The following PDE1C variants were observed in gnomAD, a reference collection of about 807,000 sequenced individuals.
PDE1C encodes the protein dual specificity calcium/calmodulin-dependent 3',5'-cyclic nucleotide phosphodiesterase 1C.
A neutral mutation model predicts 93.1 loss-of-function variants in PDE1C; 62 were observed. That is an observed-to-expected ratio of 0.67 (90% CI 0.54 to 0.82). The LOEUF (loss-of-function observed/expected upper bound fraction) is 0.82, where lower values mean the gene tolerates loss of function less well. Among genes scored for constraint, PDE1C ranks in the 40% least tolerant of loss-of-function variants. The probability of loss-of-function intolerance (pLI) is 0.00; values close to 1 mark genes in which losing one functional copy is unlikely to be tolerated. For missense variants in PDE1C, 742 were observed against 884.6 expected (o/e 0.84, Z 2.04); for synonymous variants, 325 against 310.1 (o/e 1.05, Z -0.50).
At chr7:31,825,388 A>T (rs981255380) in intron 12 of PDE1C, among the ~76,000 whole-genome samples, 3 of 152,242 alleles carry the variant, frequency 2.0e-5, no homozygotes, top group Admixed American at 6.5e-5. Context: ...GCCAAGTGAC[A>T]GAGATGGGAG....
At chr7:31,673,805 G>A in the PDE1C span, among the ~76,000 whole-genome samples, 1 of 151,948 alleles carries the variant, frequency 6.6e-6, no homozygotes, top group East Asian at 1.9e-4. Context: ...TTTCCAGTAA[G>A]AGTTTTGATT....
intron 16 of PDE1C, among the ~76,000 whole-genome samples, chr7:31,794,123 G>A (rs918189667): frequency 1.3e-5 from 2 of 151,180 alleles, no homozygotes; most frequent in Admixed American, 1.3e-4. Context: ...CAGGCGGGCA[G>A]GCAGGCAGGC....
intron 1 of PDE1C, among the ~76,000 whole-genome samples, chr7:32,325,041 G>T (rs1005270126): frequency 6.6e-6 from 1 of 152,222 alleles, no homozygotes. Flanking sequence ...GTTGAAAACT[G>T]TTCCTCAATA....
At chr7:32,280,082 ACAT>A (rs1323721648) in intron 1 of PDE1C, among the ~76,000 whole-genome samples, 1 of 152,202 alleles carries the variant, frequency 6.6e-6, no homozygotes, top group African/African-American at 2.4e-5. Flanking sequence ...ATTCACTAAA[ACAT>A]CAGAAGTAGA....
chr7:31,966,359 A>T lies in PDE1C; in HGVS notation c.128+85195T>A, dbSNP rs201949541. 1.2e-4 allele frequency among the ~76,000 whole-genome samples: 19 copies of T among 152,338 alleles called. No homozygotes were observed. The East Asian group carries it at 3.7e-3, about 29-fold the overall frequency. On this transcript the variant is annotated intron_variant, in intron 2 of 17. Transcript: ENST00000396191. The stretch of plus-strand genomic sequence containing the variant: ...AACCAACAAAGATCAAAAGAGACAA[A>T]GAAGGCCATTACATAATGGTAAAGG...
intron 2 of PDE1C, among the ~76,000 whole-genome samples, chr7:32,177,140 A>G (rs57040060): frequency 0.013 from 1,985 of 152,354 alleles, 46 homozygotes; most frequent in African/African-American, 0.045. Context: ...GCGGAGAAAA[A>G]AGGCCTTGCT....
In PDE1C at chr7:31,755,013, C is replaced by T. The variant is rs112406170; in HGVS notation, c.1961-1460G>A. 1.2e-4 allele frequency among the ~76,000 whole-genome samples: 18 copies of T among 152,274 alleles called. 1 individual carries two copies. Among genetic ancestry groups the T allele is most frequent in the South Asian group, 4.1e-4 (2 of 4,828 alleles). On this transcript the variant is annotated intron_variant, in intron 17 of 17. Coordinates refer to ENST00000396191, the MANE Select transcript of PDE1C (RefSeq NM_001191057.4). Reference sequence around the variant, plus strand: ...GAAGAGTGGGGGACAAGACGGTCATCGAAGTAACCTTGTATATGAACAGAA... The same window carrying T: ...GAAGAGTGGGGGACAAGACGGTCATTGAAGTAACCTTGTATATGAACAGAA...
At chr7:31,665,341 A>G in the PDE1C span, among the ~76,000 whole-genome samples, 15 of 152,008 alleles carry the variant, frequency 9.9e-5, no homozygotes, top group African/African-American at 3.4e-4. Flanking sequence ...CATTGATCCT[A>G]TTTTGTTTCT....
the PDE1C span, among the ~76,000 whole-genome samples, chr7:31,672,488 G>T: frequency 6.6e-6 from 1 of 151,402 alleles, no homozygotes; most frequent in Non-Finnish European, 1.5e-5. Context: ...TTGCTAATCT[G>T]ATCAATTTGT....
upstream of PDE1C, among the ~76,000 whole-genome samples, chr7:32,304,285 C>T (rs1393122674): frequency 6.6e-6 from 1 of 152,230 alleles, no homozygotes; most frequent in Non-Finnish European, 1.5e-5. Flanking sequence ...TGCCCATCTC[C>T]TCATGAGGAT....
At chr7:32,056,292 A>G (rs1794060146) in intron 1 of PDE1C, among the ~76,000 whole-genome samples, 1 of 142,282 alleles carries the variant, frequency 7.0e-6, no homozygotes, top group Admixed American at 7.2e-5. Context: ...GCACTTTGCA[A>G]AGTCTGTTCC....
chr7:32,288,792 G>A (rs1812163291), intron 1 of PDE1C, among the ~76,000 whole-genome samples: 1 of 152,200 alleles, frequency 6.6e-6, no homozygotes, highest in South Asian at 2.1e-4. Flanking sequence ...GCGTTAATGT[G>A]TGTTCCCTGG....
At chr7:32,175,533 A>T (rs1179571240) in intron 2 of PDE1C, among the ~76,000 whole-genome samples, 1 of 152,150 alleles carries the variant, frequency 6.6e-6, no homozygotes, top group Non-Finnish European at 1.5e-5. Context: ...GTGTTGCTAA[A>T]GGTTGGGGTA....
chr7:32,375,334 C>A (rs1784415878), intron 1 of PDE1C, among the ~76,000 whole-genome samples: 1 of 152,110 alleles, frequency 6.6e-6, no homozygotes, highest in Non-Finnish European at 1.5e-5. Context: ...CCTCCATGAG[C>A]AGAACAGGGA....
the PDE1C span, among the ~76,000 whole-genome samples, chr7:31,676,834 G>A: frequency 1.3e-5 from 2 of 152,132 alleles, no homozygotes; most frequent in East Asian, 3.9e-4. Context: ...TCATGGTGGG[G>A]AAATGATAAA....
chr7:31,953,165 C>T (rs761363443), intron 2 of PDE1C, among the ~76,000 whole-genome samples: 15 of 152,160 alleles, frequency 9.9e-5, no homozygotes, highest in Non-Finnish European at 2.1e-4. Flanking sequence ...TCATAATTAA[C>T]TGAATGTTTA....
In PDE1C at chr7:31,837,941, C is replaced by T. The variant is rs1292743660; in HGVS notation, c.1011G>A (p.Val337=). 1.2e-6 allele frequency: 2 copies of T among 1,613,420 alleles called. No individual in the cohort carries two copies. Among genetic ancestry groups the T allele is most frequent in the African/African-American group, 1.3e-5 (1 of 75,016 alleles). ...AGTGACAAGACATATCTGTGGCCAT[C>T]ACCATTTCAATTACCAAGGTTCGAA... ...REFRTLVIEM[V]MATDMSCHFQ... is the part of the protein sequence containing the mutation. Residue 337 remains valine, a synonymous_variant, in exon 10 of 18, where the codon GTG becomes GTA. Coordinates refer to ENST00000396191, the MANE Select transcript of PDE1C (RefSeq NM_001191057.4).
intron 2 of PDE1C, among the ~76,000 whole-genome samples, chr7:31,895,462 A>G (rs1467457151): frequency 1.3e-5 from 2 of 152,208 alleles, no homozygotes; most frequent in African/African-American, 4.8e-5. Context: ...CAGCGAGCAG[A>G]ATAAAGAAAT....
At chr7:32,074,585 C>G (rs759598535), upstream of PDE1C, among the ~76,000 whole-genome samples, 2 of 152,018 alleles carry the variant, frequency 1.3e-5, no homozygotes, top group Admixed American at 1.3e-4. Flanking sequence ...CCTGCAGACA[C>G]GCAAAAACTC....
Sources: allele counts gnomAD v4.1 joint callset (sites outside exome capture counted in the v4.1 genomes callset), GRCh38; gene constraint gnomAD v4.1.1; transcripts MANE v1.5; gene names NCBI Gene and HGNC (gene_info 2026-07-23, HGNC 2026-07-21).